The following GPC6 variants were observed in gnomAD, a reference collection of about 807,000 sequenced individuals.
The protein encoded by GPC6 is glypican-6.
In GPC6, 14 loss-of-function variants were observed where a neutral mutation model predicts 55.2. The ratio of observed to expected loss-of-function variants is 0.25; its 90% confidence interval spans 0.17 to 0.40. The LOEUF is 0.40. Among genes scored for constraint, GPC6 ranks in the 10% least tolerant of loss-of-function variants. GPC6 has a pLI of 1.00. For missense variants in GPC6, 641 were observed against 708.5 expected, an observed-to-expected ratio of 0.90 and a Z score of 1.08; for synonymous variants, 278 against 259.6, an observed-to-expected ratio of 1.07 and a Z score of -0.68.
chr13:93,236,608 G>T (rs1876242792), intron 1 of GPC6, among the ~76,000 whole-genome samples: 1 of 152,300 alleles, frequency 6.6e-6, no homozygotes, highest in South Asian at 2.1e-4. Context: ...TGCATGCGAG[G>T]GATGTAGGTT....
intron 3 of GPC6, among the ~76,000 whole-genome samples, chr13:93,968,676 T>A (rs1880152315): frequency 6.6e-6 from 1 of 152,126 alleles, no homozygotes; most frequent in Non-Finnish European, 1.5e-5. Context: ...TTAAAAACCT[T>A]TATAGGTTTC....
At chr13:93,269,472 C>T (rs1351475617) in intron 1 of GPC6, among the ~76,000 whole-genome samples, 2 of 152,050 alleles carry the variant, frequency 1.3e-5, no homozygotes, top group African/African-American at 2.4e-5. Context: ...TTTCGCAGCC[C>T]TAGAGTAACT....
At chr13:93,720,581 TA>T (rs1450766998) in intron 2 of GPC6, among the ~76,000 whole-genome samples, 1 of 152,028 alleles carries the variant, frequency 6.6e-6, no homozygotes, top group African/African-American at 2.4e-5. Context: ...TCTTCTCTGA[TA>T]TTAGTTATTT....
chr13:93,792,703 T>C (rs1460597389), intron 2 of GPC6, among the ~76,000 whole-genome samples: 2 of 152,180 alleles, frequency 1.3e-5, no homozygotes, highest in African/African-American at 4.8e-5. Flanking sequence ...TTTTCACACT[T>C]ACTTTCAAGG....
intron 4 of GPC6, among the ~76,000 whole-genome samples, chr13:94,138,656 T>C (rs973351465): frequency 6.6e-6 from 1 of 152,214 alleles, no homozygotes; most frequent in Non-Finnish European, 1.5e-5. Context: ...TTACGTTTAT[T>C]GATCTTACCA....
intron 3 of GPC6, among the ~76,000 whole-genome samples, chr13:94,026,969 G>A (rs899080609): frequency 2.6e-5 from 4 of 152,072 alleles, no homozygotes; most frequent in African/African-American, 4.8e-5. Context: ...ATTTGGGTGG[G>A]GACCATATCC....
intron 1 of GPC6, among the ~76,000 whole-genome samples, chr13:93,423,053 C>T (rs538893319): frequency 5.7e-4 from 70 of 121,786 alleles, no homozygotes; most frequent in African/African-American, 2.4e-3. Flanking sequence ...GGTCACACCC[C>T]ACCAGCTCCC....
intron 2 of GPC6, among the ~76,000 whole-genome samples, chr13:93,803,341 G>GTTATC (rs1886437983): frequency 6.6e-6 from 1 of 152,060 alleles, no homozygotes; most frequent in Non-Finnish European, 1.5e-5. Flanking sequence ...TATGAAATAT[G>GTTATC]TTATCTTATC....
chr13:93,963,119 T>A (rs1879862883), intron 3 of GPC6, among the ~76,000 whole-genome samples: 1 of 152,162 alleles, frequency 6.6e-6, no homozygotes, highest in Admixed American at 6.5e-5. Context: ...ATTGAATAAT[T>A]GGCTATTTTT....
intron 4 of GPC6, among the ~76,000 whole-genome samples, chr13:94,280,609 CT>C (rs1377121263): frequency 6.6e-6 from 1 of 152,150 alleles, no homozygotes; most frequent in Non-Finnish European, 1.5e-5. Flanking sequence ...CCATGTTTTT[CT>C]TTTTCTTTTT....
chr13:93,923,396 T>A (rs1877677466), intron 3 of GPC6, among the ~76,000 whole-genome samples: 1 of 152,182 alleles, frequency 6.6e-6, no homozygotes, highest in African/African-American at 2.4e-5. Context: ...TGGGTAAAAC[T>A]TTGAATCTCA....
At chr13:94,186,060 C>CAACAA (rs1889174531) in intron 4 of GPC6, among the ~76,000 whole-genome samples, 1 of 87,222 alleles carries the variant, frequency 1.1e-5, no homozygotes, top group Non-Finnish European at 2.3e-5. Flanking sequence ...ACTCCGTCTC[C>CAACAA]AAAAAAAAAA....
chr13:93,777,096 C>G (rs751244141), intron 2 of GPC6, among the ~76,000 whole-genome samples: 93 of 152,198 alleles, frequency 6.1e-4, no homozygotes, highest in Non-Finnish European at 2.2e-4. Flanking sequence ...CCTCAATCTT[C>G]TGACCTCAGT....
At chr13:94,179,098 C>T (rs1397933361) in intron 4 of GPC6, among the ~76,000 whole-genome samples, 1 of 152,098 alleles carries the variant, frequency 6.6e-6, no homozygotes, top group East Asian at 1.9e-4. Flanking sequence ...CTGTGGAAAC[C>T]CCATGGTTGG....
chr13:94,056,224 T>A (rs1188654094), intron 4 of GPC6, among the ~76,000 whole-genome samples: 1 of 152,208 alleles, frequency 6.6e-6, no homozygotes, highest in Non-Finnish European at 1.5e-5. Flanking sequence ...CCCCTTTTTT[T>A]ATTAATTTAG....
intron 2 of GPC6, among the ~76,000 whole-genome samples, chr13:93,750,593 T>C (rs898466642): frequency 6.6e-6 from 1 of 152,164 alleles, no homozygotes; most frequent in Non-Finnish European, 1.5e-5. Context: ...ACAATTGGAA[T>C]ATAAATAAAA....
intron 1 of GPC6, among the ~76,000 whole-genome samples, chr13:93,500,579 C>A (rs902046563): frequency 6.6e-6 from 1 of 152,108 alleles, no homozygotes; most frequent in African/African-American, 2.4e-5. Flanking sequence ...ATTTTACATC[C>A]TCAAAGCTCT....
At position 93,529,585 on chromosome 13, in the gene GPC6, G is replaced by A. The variant is rs954441909; in HGVS notation, c.161-15678G>A. Among the ~76,000 whole-genome samples, 7 of 133,946 alleles carry A rather than the reference G, an allele frequency of 5.2e-5. No homozygotes were observed. The East Asian group carries it at 8.6e-4, about 17-fold the overall frequency. The allele number at this position is 133,946 out of a possible 152,430, so 87.9% of individuals were successfully genotyped here. ...GGCTGGAGTGTAGTGGCACCATCTC[G>A]GCTCACTGCAACCTCCACCTCCCTG... is the stretch of plus-strand genomic sequence containing the variant. On this transcript the variant is annotated intron_variant, in intron 1 of 8. Coordinates refer to ENST00000377047, the MANE Select transcript of GPC6 (RefSeq NM_005708.5).
chr13:93,905,130 T>C (rs1876592226), intron 3 of GPC6, among the ~76,000 whole-genome samples: 1 of 151,872 alleles, frequency 6.6e-6, no homozygotes, highest in Non-Finnish European at 1.5e-5. Flanking sequence ...GAAACTTTCT[T>C]TGTATTTTCC....
Sources: allele counts gnomAD v4.1 joint callset (sites outside exome capture counted in the v4.1 genomes callset), GRCh38; gene constraint gnomAD v4.1.1; transcripts MANE v1.5; gene names NCBI Gene and HGNC (gene_info 2026-07-23, HGNC 2026-07-21).